Variants in AGMO observed in about 807,000 individuals in gnomAD.
AGMO encodes glyceryl-ether monooxygenase.
In AGMO, 75 loss-of-function variants were observed where a neutral mutation model predicts 60.2. The observed-to-expected ratio is 1.25, with a 90% confidence interval of 1.03 to 1.51. The LOEUF (loss-of-function observed/expected upper bound fraction) is 1.51. Ranked by LOEUF, AGMO falls within the 40% of genes most tolerant of loss-of-function variation. AGMO has a pLI of 0.00. For missense variants in AGMO, 763 were observed against 525.5 expected (o/e 1.45, Z -4.42); for synonymous variants, 261 against 177.1 (o/e 1.47, Z -3.76).
the AGMO span, among the ~76,000 whole-genome samples, chr7:15,119,997 C>G: frequency 6.7e-6 from 1 of 150,346 alleles, no homozygotes; most frequent in Non-Finnish European, 1.5e-5. Context: ...GGATCGCCTA[C>G]TTAAGAACAT....
rs149838301 is a variant in AGMO at position 15,404,817 on chromosome 7, C to T, written c.610-10638G>A. Among the ~76,000 whole-genome samples the T allele has an allele frequency of 1.4e-4, 22 of 151,858 alleles. No homozygotes were observed. In the East Asian group the frequency reaches 3.9e-3, roughly 27 times the overall value. On this transcript the variant is annotated intron_variant, in intron 5 of 12. Transcript: ENST00000342526. ...TCAACAAATATTATTGATTGCCAAC[C>T]GACTATGTGCCTGACATCATCTGAG...
chr7:15,298,807 T>A (rs1784474431), intron 12 of AGMO, among the ~76,000 whole-genome samples: 1 of 152,196 alleles, frequency 6.6e-6, no homozygotes, highest in Admixed American at 6.5e-5. Flanking sequence ...TATTCTTTTG[T>A]CTAAAATTTA....
At chr7:15,283,123 A>C (rs1227755941) in intron 12 of AGMO, among the ~76,000 whole-genome samples, 1 of 152,164 alleles carries the variant, frequency 6.6e-6, no homozygotes, top group Non-Finnish European at 1.5e-5. Context: ...TATATGAAAC[A>C]TAATAGAACC....
intron 5 of AGMO, among the ~76,000 whole-genome samples, chr7:15,397,479 C>T (rs1286142496): frequency 6.6e-6 from 1 of 152,150 alleles, no homozygotes; most frequent in Non-Finnish European, 1.5e-5. Flanking sequence ...CTGAAGGGCT[C>T]CTCGAGCGCG....
Position 15,560,135 on chromosome 7 carries a change from A to G in AGMO, c.257+6T>C, listed in dbSNP as rs1282160245. 1 of 1,604,346 alleles carries G rather than the reference A, an allele frequency of 6.2e-7. No individual in the cohort carries two copies. On this transcript the variant is annotated splice_donor_region_variant and intron_variant, in intron 2 of 12. Transcript: ENST00000342526. ...TATGCTCAGCGTTGTTGACCATCTA[A>G]CTCACCTTGGAAGTCGAGACAGAAC...
At chr7:15,530,778 T>TAGATATTCTATATATACATTTCTATAG (rs369555646) in intron 3 of AGMO, among the ~76,000 whole-genome samples, 3 of 87,980 alleles carry the variant, frequency 3.4e-5, no homozygotes, top group South Asian at 3.2e-4. Context: ...CATTTCTATA[T>TAGATATTCTATATATACATTTCTATAG]ATATTCTATA....
intron 12 of AGMO, among the ~76,000 whole-genome samples, chr7:15,284,976 A>G (rs999011958): frequency 5.9e-5 from 9 of 152,104 alleles, no homozygotes; most frequent in African/African-American, 2.2e-4. Context: ...AAAAATAAAA[A>G]CCATATGATC....
At chr7:15,197,622 G>A (rs1264938568), downstream of AGMO, among the ~76,000 whole-genome samples, 1 of 152,192 alleles carries the variant, frequency 6.6e-6, no homozygotes, top group Non-Finnish European at 1.5e-5. Context: ...AAACTGACAA[G>A]TCCTGTAGCC....
intron 3 of AGMO, among the ~76,000 whole-genome samples, chr7:15,517,189 T>C (rs562331889): frequency 6.6e-6 from 1 of 151,992 alleles, no homozygotes; most frequent in Non-Finnish European, 1.5e-5. Flanking sequence ...CTTGATGGAA[T>C]CACAAGAAGG....
chr7:15,210,607 T>G (rs1028484781), intron 12 of AGMO, among the ~76,000 whole-genome samples: 1 of 152,148 alleles, frequency 6.6e-6, no homozygotes, highest in Non-Finnish European at 1.5e-5. Flanking sequence ...TCTATATTAC[T>G]AGGTAACTAA....
Position 15,561,900 on chromosome 7 carries a change from C to G in AGMO, c.-55G>C, listed in dbSNP as rs1418832154. The G allele has an allele frequency of 2.0e-6, 3 of 1,532,176 alleles. No individual in the cohort carries two copies. The highest frequency in any genetic ancestry group is 2.6e-6 in the Non-Finnish European group (3 of 1,134,320). The allele number at this position is 1,532,176 out of a possible 1,614,324, so 94.9% of individuals were successfully genotyped here. ...AATATTTAGGATTCAATGCTTGAAG[C>G]CTGAGGCTGAACAAAGAGGACGAGA... On this transcript the variant is annotated 5_prime_UTR_variant, in exon 1 of 13. Transcript: ENST00000342526.
At chr7:15,327,661 C>T (rs978170810) in intron 12 of AGMO, among the ~76,000 whole-genome samples, 4 of 150,324 alleles carry the variant, frequency 2.7e-5, no homozygotes, top group Admixed American at 6.6e-5. Context: ...AGGTTATTTA[C>T]GTTGAGGGTA....
Position 15,561,866 on chromosome 7 carries a change from C to A in AGMO, c.-21G>T. Reference sequence around the variant, plus strand: ...TTCATTTCTGCCCTTGTCTGATTCCCAGCTGGAGAATATTTAGGATTCAAT... The same window carrying A: ...TTCATTTCTGCCCTTGTCTGATTCCAAGCTGGAGAATATTTAGGATTCAAT... On this transcript the variant is annotated 5_prime_UTR_variant, in exon 1 of 13. Transcript: ENST00000342526. The A allele has an allele frequency of 6.3e-7, 1 of 1,584,062 alleles. No individual in the cohort carries two copies. Among genetic ancestry groups the A allele is most frequent in the Non-Finnish European group, 8.6e-7 (1 of 1,162,832 alleles).
At chr7:15,506,811 CAG>C (rs984780841) in intron 3 of AGMO, among the ~76,000 whole-genome samples, 1 of 151,256 alleles carries the variant, frequency 6.6e-6, no homozygotes, top group Admixed American at 6.6e-5. Context: ...CACAGACACA[CAG>C]AGAGAGAGAG....
the AGMO span, among the ~76,000 whole-genome samples, chr7:15,174,704 A>C: frequency 6.1e-4 from 93 of 152,218 alleles, no homozygotes; most frequent in African/African-American, 1.9e-3. Context: ...TAGTAATTAC[A>C]AAGTAAGCAT....
intron 12 of AGMO, among the ~76,000 whole-genome samples, chr7:15,278,684 T>C (rs1468261321): frequency 6.6e-6 from 1 of 152,148 alleles, no homozygotes; most frequent in African/African-American, 2.4e-5. Flanking sequence ...GAAGTGGTAG[T>C]AGATTTCGCT....
At chr7:15,345,871 A>T (rs1782014528) in intron 12 of AGMO, among the ~76,000 whole-genome samples, 1 of 150,984 alleles carries the variant, frequency 6.6e-6, no homozygotes, top group South Asian at 2.1e-4. Flanking sequence ...TCCCTTACAA[A>T]ATTGGTACTT....
the AGMO span, among the ~76,000 whole-genome samples, chr7:15,117,511 A>G: frequency 6.6e-6 from 1 of 152,128 alleles, no homozygotes; most frequent in Non-Finnish European, 1.5e-5. Flanking sequence ...TAGTGCTCCA[A>G]TATACCTAAC....
In AGMO at chr7:15,464,266, T is replaced by A. The variant is rs1297547582; in HGVS notation, c.410-33158A>T. 2.6e-5 allele frequency among the ~76,000 whole-genome samples: 4 copies of A among 152,210 alleles called. No individual in the cohort carries two copies. In the East Asian group the frequency reaches 7.7e-4, roughly 29 times the overall value. On this transcript the variant is annotated intron_variant, in intron 3 of 12. Transcript: ENST00000342526. ...TAGCTCATCTCTCCATAAAAACATG[T>A]AATCTTAGCTAGAGCTATTTGGTCA...
Sources: gnomAD v4.1 joint callset for allele counts (sites outside exome capture counted in the v4.1 genomes callset) on GRCh38, gnomAD v4.1.1 for gene constraint, MANE v1.5 for transcripts, NCBI Gene and HGNC (gene_info 2026-07-23, HGNC 2026-07-21) for gene names.